PDGFC: variants seen among roughly 807,000 people sequenced by gnomAD.
PDGFC encodes platelet derived growth factor C, also known as platelet-derived growth factor C.
Under a neutral mutation model 35.5 loss-of-function variants are expected in PDGFC, and 12 were observed. The ratio of observed to expected loss-of-function variants is 0.34; its 90% CI spans 0.22 to 0.55. The LOEUF (loss-of-function observed/expected upper bound fraction) is 0.55, where lower values mean the gene tolerates loss of function less well. PDGFC is among the 20% of genes least tolerant of loss of function. The pLI, the probability that PDGFC is intolerant of heterozygous loss-of-function variation, is 0.91. For missense variants in PDGFC, 322 were observed against 412.4 expected (o/e 0.78, Z 1.90); for synonymous variants, 159 against 148.8 (o/e 1.07, Z -0.50).
At chr4:156,779,982 T>C (rs1175808803) in intron 3 of PDGFC, among the ~76,000 whole-genome samples, 1 of 152,116 alleles carries the variant, frequency 6.6e-6, no homozygotes, top group Non-Finnish European at 1.5e-5. Context: ...GTTTCCCACT[T>C]CCTAGGTCAA....
intron 1 of PDGFC, among the ~76,000 whole-genome samples, chr4:156,911,564 T>C (rs1404686897): frequency 6.6e-6 from 1 of 152,126 alleles, no homozygotes; most frequent in African/African-American, 2.4e-5. Flanking sequence ...TATATATTAT[T>C]TGCTTTCATT....
At chr4:156,852,348 T>C (rs1729478117) in intron 1 of PDGFC, among the ~76,000 whole-genome samples, 1 of 152,180 alleles carries the variant, frequency 6.6e-6, no homozygotes, top group African/African-American at 2.4e-5. Flanking sequence ...CTAAGTCCTA[T>C]GAAATGACGA....
At chr4:156,955,043 C>T (rs925133009) in intron 1 of PDGFC, among the ~76,000 whole-genome samples, 6 of 151,978 alleles carry the variant, frequency 3.9e-5, no homozygotes, top group Non-Finnish European at 8.8e-5. Context: ...GTGGTCAATT[C>T]TGCACTATTC....
At chr4:156,772,644 T>C (rs2110816515) in intron 4 of PDGFC, 42 bp downstream of exon 4, 1 of 1,308,018 alleles carries the variant, frequency 7.6e-7, no homozygotes, top group African/African-American at 1.5e-5. Flanking sequence ...CATTAGCTGT[T>C]AAGAAAATTA....
intron 1 of PDGFC, among the ~76,000 whole-genome samples, chr4:156,866,038 G>A (rs989133078): frequency 2.6e-5 from 4 of 152,082 alleles, no homozygotes; most frequent in African/African-American, 9.7e-5. Flanking sequence ...CATGTGCCAT[G>A]TTGGTGTGCT....
At chr4:156,954,440 G>C (rs1225542738) in intron 1 of PDGFC, among the ~76,000 whole-genome samples, 1 of 151,748 alleles carries the variant, frequency 6.6e-6, no homozygotes, top group African/African-American at 2.4e-5. Flanking sequence ...CTAAAAATAA[G>C]AAAGCACATG....
intron 1 of PDGFC, among the ~76,000 whole-genome samples, chr4:156,929,122 G>A (rs553184071): frequency 1.2e-4 from 19 of 152,224 alleles, no homozygotes; most frequent in Admixed American, 2.6e-4. Context: ...TAAATACTCT[G>A]AAATAGACTG....
intron 3 of PDGFC, among the ~76,000 whole-genome samples, chr4:156,774,154 A>G (rs1730759951): frequency 6.6e-6 from 1 of 152,178 alleles, no homozygotes; most frequent in African/African-American, 2.4e-5. Context: ...CAAATTCCTT[A>G]CACAGCATTC....
At chr4:156,841,169 A>T (rs1488455931) in intron 2 of PDGFC, among the ~76,000 whole-genome samples, 1 of 151,968 alleles carries the variant, frequency 6.6e-6, no homozygotes, top group Non-Finnish European at 1.5e-5. Flanking sequence ...GGAATGATAT[A>T]ATTTGGCTGT....
At chr4:156,863,341 A>T (rs1030320761) in intron 1 of PDGFC, among the ~76,000 whole-genome samples, 2 of 152,150 alleles carry the variant, frequency 1.3e-5, no homozygotes, top group African/African-American at 4.8e-5. Flanking sequence ...CCACTATATT[A>T]CACTACTCCA....
intron 2 of PDGFC, among the ~76,000 whole-genome samples, chr4:156,828,354 A>G (rs1427848888): frequency 6.6e-6 from 1 of 152,200 alleles, no homozygotes; most frequent in Non-Finnish European, 1.5e-5. Flanking sequence ...TACAGAGCCA[A>G]TCAGAACAGT....
chr4:156,903,259 T>C (rs1560865694), intron 1 of PDGFC, among the ~76,000 whole-genome samples: 3 of 152,036 alleles, frequency 2.0e-5, no homozygotes, highest in African/African-American at 7.2e-5. Context: ...AAATAATTTA[T>C]AGAACAAATT....
chr4:156,850,101 C>T, intron 2 of PDGFC, 120 bp downstream of exon 2: 1 of 523,566 alleles, frequency 1.9e-6, no homozygotes, highest in Non-Finnish European at 3.2e-6. Flanking sequence ...CTGGAAATTT[C>T]TTAGATCATC....
At chr4:156,796,411 G>A (rs567631075) in intron 3 of PDGFC, among the ~76,000 whole-genome samples, 1 of 151,056 alleles carries the variant, frequency 6.6e-6, no homozygotes, top group Non-Finnish European at 1.5e-5. Flanking sequence ...CTGTTTCCAG[G>A]TTGTGGTATA....
chr4:156,847,067 A>G (rs908221995), intron 2 of PDGFC, among the ~76,000 whole-genome samples: 1 of 151,734 alleles, frequency 6.6e-6, no homozygotes, highest in Non-Finnish European at 1.5e-5. Context: ...GAAATGAAAA[A>G]AGGAAGGACA....
intron 1 of PDGFC, among the ~76,000 whole-genome samples, chr4:156,873,363 C>T (rs1184571180): frequency 6.6e-6 from 1 of 152,148 alleles, no homozygotes; most frequent in Non-Finnish European, 1.5e-5. Flanking sequence ...AGACAATCTC[C>T]TTCCAGGTAT....
At chr4:156,967,013 G>A (rs762704787) in intron 1 of PDGFC, among the ~76,000 whole-genome samples, 27 of 149,420 alleles carry the variant, frequency 1.8e-4, no homozygotes, top group Middle Eastern at 3.5e-3. Flanking sequence ...AGAGAACCAG[G>A]AGGAAGTTTT....
intron 1 of PDGFC, among the ~76,000 whole-genome samples, chr4:156,903,827 T>C (rs1301333416): frequency 6.6e-6 from 1 of 152,024 alleles, no homozygotes; most frequent in Non-Finnish European, 1.5e-5. Context: ...TATAGCAAAG[T>C]GTAGGAAGAC....
chr4:156,961,361 T>C (rs1579128031), intron 1 of PDGFC, among the ~76,000 whole-genome samples: 2 of 152,112 alleles, frequency 1.3e-5, no homozygotes, highest in African/African-American at 4.8e-5. Flanking sequence ...TGGTTTCTGA[T>C]CTCTGTAGTG....
Sources: allele counts gnomAD v4.1 joint callset (sites outside exome capture counted in the v4.1 genomes callset), GRCh38; gene constraint gnomAD v4.1.1; transcripts MANE v1.5; gene names NCBI Gene and HGNC (gene_info 2026-07-23, HGNC 2026-07-21).